Variants in TEX9 observed in about 807,000 individuals in gnomAD.
TEX9 encodes the protein testis expressed 9.
Under a neutral mutation model 59.6 loss-of-function variants are expected in TEX9, and 74 were observed. That is an observed-to-expected ratio of 1.24 (90% CI 1.03 to 1.51). The LOEUF (loss-of-function observed/expected upper bound fraction) is 1.51, where lower values mean the gene tolerates loss of function less well. Among genes scored for constraint, TEX9 ranks in the 40% most tolerant of loss-of-function variants. The pLI is 0.00. For missense variants in TEX9, 522 were observed against 447.8 expected (o/e 1.17, Z -1.49); for synonymous variants, 186 against 152.2 (o/e 1.22, Z -1.64).
chr15:56,352,495 C>T (rs1218818528), intron 1 of TEX9, among the ~76,000 whole-genome samples: 3 of 151,952 alleles, frequency 2.0e-5, no homozygotes, highest in African/African-American at 7.3e-5. Flanking sequence ...TCAGGCGATC[C>T]GCTCGTCTTG....
At position 56,419,122 on chromosome 15, in the gene TEX9, T is replaced by C. The variant is rs1045463898; in HGVS notation, c.963+6686T>C. The stretch of plus-strand genomic sequence containing the variant: ...AGAATACAGGTTTTACACACTTTTT[T>C]TTCAAACTTATCTCTTAGTGTTTCC... On this transcript the variant is annotated intron_variant, in intron 10 of 12. Coordinates refer to ENST00000352903, the Ensembl canonical transcript of TEX9. Among the ~76,000 whole-genome samples, 81 of 151,990 alleles carry C rather than the reference T, an allele frequency of 5.3e-4. 1 individual carries two copies. The highest frequency in any genetic ancestry group is 2.3e-3 in the South Asian group (11 of 4,818).
At position 56,369,440 on chromosome 15, in the gene TEX9, A is replaced by T. The variant is rs191819998; in HGVS notation, c.119+3770A>T. ...GTGATCTCAGCCCACTGCAACCTTC[A>T]TCTCCCAGGCTCCTGAGTAGCTGGG... On this transcript the variant is annotated intron_variant, in intron 2 of 12. Coordinates refer to ENST00000352903, the Ensembl canonical transcript of TEX9. Among the ~76,000 whole-genome samples, 153 of 151,016 alleles carry T rather than the reference A, an allele frequency of 1.0e-3. 1 individual carries two copies. Among genetic ancestry groups the T allele is most frequent in the Admixed American group, 2.9e-3 (44 of 15,148 alleles).
intron 1 of TEX9, among the ~76,000 whole-genome samples, chr15:56,346,575 A>G (rs1316553179): frequency 6.6e-6 from 1 of 152,158 alleles, no homozygotes. Flanking sequence ...TTTCTCTAAC[A>G]TCTTAGTCCC....
At chr15:56,437,888 C>G (rs2140341313) in intron 12 of TEX9, among the ~76,000 whole-genome samples, 1 of 152,194 alleles carries the variant, frequency 6.6e-6, no homozygotes. Context: ...GAATAAAATA[C>G]CTAGGAATCC....
chr15:56,364,865 TAAC>T (rs2046867506), upstream of TEX9, among the ~76,000 whole-genome samples: 1 of 152,214 alleles, frequency 6.6e-6, no homozygotes, highest in South Asian at 2.1e-4. Flanking sequence ...CTTCTCATAA[TAAC>T]TGTGAAGTGG....
At chr15:56,245,981 C>T (rs1464597883) in intron 1 of TEX9, among the ~76,000 whole-genome samples, 1 of 152,080 alleles carries the variant, frequency 6.6e-6, no homozygotes, top group Admixed American at 6.5e-5. Context: ...TTGCAACACC[C>T]TGGGAGGGGG....
At chr15:56,251,850 C>T (rs1193395351) in intron 1 of TEX9, among the ~76,000 whole-genome samples, 1 of 152,086 alleles carries the variant, frequency 6.6e-6, no homozygotes, top group Non-Finnish European at 1.5e-5. Flanking sequence ...ACCCAGAAAT[C>T]CAGGAACAGA....
intron 12 of TEX9, among the ~76,000 whole-genome samples, chr15:56,445,500 A>T (rs1354666373): frequency 6.6e-6 from 1 of 152,036 alleles, no homozygotes; most frequent in Admixed American, 6.6e-5. Context: ...GTCATTCCTG[A>T]CGTCACTGAA....
chr15:56,304,314 TCTTGTTG>T (rs2045427897), intron 1 of TEX9, among the ~76,000 whole-genome samples: 1 of 152,214 alleles, frequency 6.6e-6, no homozygotes, highest in South Asian at 2.1e-4. Flanking sequence ...GACATCCTTG[TCTTGTTG>T]CAGATCTTAG....
chr15:56,269,934 G>C (rs2044485341), intron 1 of TEX9, among the ~76,000 whole-genome samples: 1 of 152,142 alleles, frequency 6.6e-6, no homozygotes, highest in South Asian at 2.1e-4. Context: ...GGGATTACAG[G>C]CGTGAGCCAC....
intron 1 of TEX9, among the ~76,000 whole-genome samples, chr15:56,348,207 A>C (rs1375458965): frequency 6.6e-6 from 1 of 152,102 alleles, no homozygotes; most frequent in African/African-American, 2.4e-5. Flanking sequence ...TAAAATTTTA[A>C]GTTTTTTTAT....
chr15:56,400,940 TG>T (rs1158011527), intron 9 of TEX9, among the ~76,000 whole-genome samples: 22 of 152,188 alleles, frequency 1.4e-4, no homozygotes, highest in Non-Finnish European at 3.2e-4. Context: ...TGAGAGATTT[TG>T]TTCACCACCA....
At chr15:56,308,469 A>G (rs2045532474) in intron 1 of TEX9, among the ~76,000 whole-genome samples, 1 of 152,140 alleles carries the variant, frequency 6.6e-6, no homozygotes, top group Admixed American at 6.6e-5. Flanking sequence ...CCTTTATCAG[A>G]TATATGATTT....
intron 10 of TEX9, among the ~76,000 whole-genome samples, chr15:56,413,978 A>G (rs372245603): frequency 6.6e-6 from 1 of 151,822 alleles, no homozygotes; most frequent in South Asian, 2.1e-4. Flanking sequence ...ACTGGGATTT[A>G]TTAATAGAAG....
At chr15:56,261,234 A>AT (rs2044257905) in intron 1 of TEX9, among the ~76,000 whole-genome samples, 1 of 151,716 alleles carries the variant, frequency 6.6e-6, no homozygotes, top group Non-Finnish European at 1.5e-5. Flanking sequence ...TATTGTTTTC[A>AT]TTTTTATTAA....
chr15:56,345,786 G>A (rs2046459072), intron 1 of TEX9, among the ~76,000 whole-genome samples: 1 of 152,216 alleles, frequency 6.6e-6, no homozygotes, highest in South Asian at 2.1e-4. Context: ...AGAGAAGACT[G>A]TGGATAAACT....
chr15:56,373,373 A>G, intron 2 of TEX9, 68 bp from the exon 3 acceptor site: 1 of 1,447,672 alleles, frequency 6.9e-7, no homozygotes, highest in Non-Finnish European at 9.4e-7. Context: ...GATAACGTGT[A>G]ATTGCTGAAG....
chr15:56,375,765 T>G (rs1308491922), intron 3 of TEX9, among the ~76,000 whole-genome samples: 1 of 152,002 alleles, frequency 6.6e-6, no homozygotes, highest in African/African-American at 2.4e-5. Flanking sequence ...TAAAGACACA[T>G]GCACACATAT....
chr15:56,303,365 CAATAG>C (rs759880715), intron 1 of TEX9, among the ~76,000 whole-genome samples: 4 of 151,916 alleles, frequency 2.6e-5, no homozygotes, highest in Non-Finnish European at 4.4e-5. Context: ...TATCTGACCA[CAATAG>C]AATAGAACTG....
Sources: allele counts gnomAD v4.1 joint callset (sites outside exome capture counted in the v4.1 genomes callset), GRCh38; gene constraint gnomAD v4.1.1; transcripts MANE v1.5; gene names NCBI Gene and HGNC (gene_info 2026-07-23, HGNC 2026-07-21).